SLCO5A1: variants seen among roughly 807,000 people sequenced by gnomAD.
SLCO5A1 encodes organic anion transporter polypeptide-related protein 4.
SLCO5A1 carries 39 observed loss-of-function variants against 65.1 expected under a neutral mutation model. The ratio of observed to expected loss-of-function variants is 0.60; its 90% confidence interval spans 0.46 to 0.78. SLCO5A1 has a LOEUF of 0.78. Ranked by LOEUF, SLCO5A1 falls within the 30% of genes least tolerant of loss-of-function variation. SLCO5A1 has a pLI of 0.00. For synonymous variants in SLCO5A1, 438 were observed against 415.7 expected (o/e 1.05, Z -0.65); for missense variants, 1,029 against 1,069.4 (o/e 0.96, Z 0.53).
In SLCO5A1 at chr8:69,667,464, T is replaced by C. The variant is rs1813216336; in HGVS notation, c.*5405A>G. 1 of 152,214 alleles carries C rather than the reference T, an allele frequency of 6.6e-6. No homozygotes were observed. The highest frequency in any genetic ancestry group is 2.4e-5 in the African/African-American group (1 of 41,454). 9.4% of individuals were successfully genotyped at this position (152,214 alleles called of 1,614,324 possible). ...TGTATTTTAAGAAAAATGCCCATTA[T>C]TTGGTACTACTCTTACCAATTATCA... On this transcript the variant is annotated 3_prime_UTR_variant, in exon 10 of 10. Coordinates refer to ENST00000260126, the MANE Select transcript of SLCO5A1 (RefSeq NM_030958.3).
rs1354093256 is a variant in SLCO5A1 at position 69,671,145 on chromosome 8, T to C, written c.*1724A>G. Reference sequence around the variant, plus strand: ...CACTAGCTCCACCCCTTGTAGACATTGTTCAGTCTAACAGTGTTAACACAA... The same window carrying C: ...CACTAGCTCCACCCCTTGTAGACATCGTTCAGTCTAACAGTGTTAACACAA... On this transcript the variant is annotated 3_prime_UTR_variant, in exon 10 of 10. Transcript: ENST00000260126. 2 of 152,116 alleles carry C rather than the reference T, an allele frequency of 1.3e-5. No homozygotes were observed. The highest frequency in any genetic ancestry group is 2.9e-5 in the Non-Finnish European group (2 of 68,038). 9.4% of individuals were successfully genotyped at this position (152,116 alleles called of 1,614,324 possible). A position where few individuals can be genotyped will look rare whatever the true frequency, so the allele number is the denominator to read the frequency against.
chr8:69,767,889 C>CAAAAAAAAAAAAAAA (rs746004982), intron 2 of SLCO5A1, among the ~76,000 whole-genome samples: 1 of 35,040 alleles, frequency 2.9e-5, no homozygotes, highest in African/African-American at 1.3e-4. Flanking sequence ...GACTCCATCT[C>CAAAAAAAAAAAAAAA]AAAAAAAAAA....
intron 6 of SLCO5A1, among the ~76,000 whole-genome samples, chr8:69,695,134 G>A (rs1174447738): frequency 6.6e-6 from 1 of 152,184 alleles, no homozygotes; most frequent in East Asian, 1.9e-4. Flanking sequence ...TAGGAAATAT[G>A]AGAAACTTCC....
intron 5 of SLCO5A1, among the ~76,000 whole-genome samples, chr8:69,731,046 G>A (rs914798893): frequency 2.0e-5 from 3 of 151,214 alleles, no homozygotes; most frequent in Non-Finnish European, 4.4e-5. Flanking sequence ...TGCCCAGGCT[G>A]GAGTGCAGTA....
intron 2 of SLCO5A1, among the ~76,000 whole-genome samples, chr8:69,784,090 G>T (rs1229212845): frequency 1.3e-5 from 2 of 152,102 alleles, no homozygotes; most frequent in Non-Finnish European, 2.9e-5. Flanking sequence ...AACCTAAAAA[G>T]CTACACCTAG....
At chr8:69,773,569 T>C (rs780734253) in intron 2 of SLCO5A1, among the ~76,000 whole-genome samples, 1 of 152,190 alleles carries the variant, frequency 6.6e-6, no homozygotes. Context: ...TGGAAACAAT[T>C]CCCCTTCTCA....
chr8:69,795,973 C>T (rs1024210392), intron 2 of SLCO5A1, among the ~76,000 whole-genome samples: 1 of 152,212 alleles, frequency 6.6e-6, no homozygotes, highest in Non-Finnish European at 1.5e-5. Flanking sequence ...CAAACTGTAC[C>T]TGGGACTCTT....
intron 6 of SLCO5A1, among the ~76,000 whole-genome samples, chr8:69,704,101 A>G (rs1416567945): frequency 6.6e-6 from 1 of 152,068 alleles, no homozygotes; most frequent in African/African-American, 2.4e-5. Context: ...GGTTACCACT[A>G]TGTTGCGCAG....
chr8:69,802,293 A>G (rs1819776253), intron 2 of SLCO5A1, among the ~76,000 whole-genome samples: 1 of 151,624 alleles, frequency 6.6e-6, no homozygotes, highest in African/African-American at 2.4e-5. Context: ...GCTTGAGTCC[A>G]GGAGTTCAAG....
At chr8:69,702,442 T>C (rs1814783952) in intron 6 of SLCO5A1, among the ~76,000 whole-genome samples, 1 of 152,110 alleles carries the variant, frequency 6.6e-6, no homozygotes, top group African/African-American at 2.4e-5. Flanking sequence ...TTTTAGAGAC[T>C]TTATTGTTTG....
intron 5 of SLCO5A1, among the ~76,000 whole-genome samples, chr8:69,711,055 A>G (rs1403777873): frequency 6.6e-6 from 1 of 152,096 alleles, no homozygotes; most frequent in Non-Finnish European, 1.5e-5. Flanking sequence ...CAGCAGCTCT[A>G]GTAGTTCCGG....
intron 2 of SLCO5A1, among the ~76,000 whole-genome samples, chr8:69,788,828 C>G (rs1269543239): frequency 6.6e-6 from 1 of 152,156 alleles, no homozygotes; most frequent in Non-Finnish European, 1.5e-5. Flanking sequence ...AATTTATAGT[C>G]TTAGTATAAT....
Position 69,744,407 on chromosome 8 carries a change from T to G in SLCO5A1, c.1259-6203A>C, listed in dbSNP as rs1016137947. On this transcript the variant is annotated intron_variant, in intron 4 of 9. Transcript: ENST00000260126. ...TTTGTGGTATTCCCCACCTATCTCC[T>G]TGGCAAATGTCAAACTCATCCATCA... Among the ~76,000 whole-genome samples, 4 of 152,186 alleles carry G rather than the reference T, an allele frequency of 2.6e-5. 1 individual carries two copies. The East Asian group carries it at 5.8e-4, about 22-fold the overall frequency.
intron 4 of SLCO5A1, among the ~76,000 whole-genome samples, chr8:69,744,452 GC>G (rs769671132): frequency 3.3e-5 from 5 of 152,208 alleles, no homozygotes; most frequent in Non-Finnish European, 5.9e-5. Flanking sequence ...ATTGGCATCT[GC>G]CCCTGTAGGA....
At chr8:69,775,290 A>G (rs749798816) in intron 2 of SLCO5A1, among the ~76,000 whole-genome samples, 8 of 152,200 alleles carry the variant, frequency 5.3e-5, no homozygotes, top group Non-Finnish European at 1.0e-4. Flanking sequence ...TGTGTTCCCT[A>G]AAAAGGAACA....
At chr8:69,774,604 C>A (rs551136088) in intron 2 of SLCO5A1, among the ~76,000 whole-genome samples, 10 of 152,184 alleles carry the variant, frequency 6.6e-5, no homozygotes, top group South Asian at 6.2e-4. Flanking sequence ...TGGCAGTGAA[C>A]CCTGCTTAGA....
Position 69,821,805 on chromosome 8 carries a change from C to CAA in SLCO5A1, c.907+9960_907+9961dup, listed in dbSNP as rs11284619. 3.1e-3 allele frequency among the ~76,000 whole-genome samples: 352 copies of CAA among 115,274 alleles called. 1 individual carries two copies. Among genetic ancestry groups the CAA allele is most frequent in the African/African-American group, 0.01 (325 of 32,126 alleles). The allele number at this position is 115,274 out of a possible 152,430, so 75.6% of individuals were successfully genotyped here. On this transcript the variant is annotated intron_variant, in intron 2 of 9. Coordinates refer to ENST00000260126, the MANE Select transcript of SLCO5A1 (RefSeq NM_030958.3). The stretch of plus-strand genomic sequence containing the variant: ...TGGGCAACAGAGTGAGACTTTGTCT[C>CAA]AAAAAAAAAAAAAAAAAGAAAAGAA...
intron 6 of SLCO5A1, among the ~76,000 whole-genome samples, chr8:69,683,665 C>A (rs1156695963): frequency 6.6e-6 from 1 of 151,928 alleles, no homozygotes; most frequent in Non-Finnish European, 1.5e-5. Context: ...CAGGTTCAAG[C>A]AATTCGCCTG....
intron 6 of SLCO5A1, among the ~76,000 whole-genome samples, chr8:69,683,849 A>G (rs1303135279): frequency 2.6e-5 from 4 of 152,138 alleles, no homozygotes; most frequent in African/African-American, 9.7e-5. Context: ...AGCGTGAGCA[A>G]CCATGCCTGG....
Sources: gnomAD v4.1 joint callset for allele counts (sites outside exome capture counted in the v4.1 genomes callset) on GRCh38, gnomAD v4.1.1 for gene constraint, MANE v1.5 for transcripts, NCBI Gene and HGNC (gene_info 2026-07-23, HGNC 2026-07-21) for gene names.